SCARA3: variants seen among roughly 807,000 people sequenced by gnomAD.
SCARA3 encodes scavenger receptor class A member 3.
Under a neutral mutation model 47.0 loss-of-function variants are expected in SCARA3, and 39 were observed. The ratio of observed to expected loss-of-function variants is 0.83; its 90% CI spans 0.64 to 1.08. SCARA3 has a LOEUF of 1.08. SCARA3 is among the 50% of genes least tolerant of loss of function. The pLI, the probability that SCARA3 is intolerant of heterozygous loss-of-function variation, is 0.00. For missense variants in SCARA3, 724 were observed against 792.3 expected, an observed-to-expected ratio of 0.91 and a Z score of 1.04; for synonymous variants, 356 against 334.1, an observed-to-expected ratio of 1.07 and a Z score of -0.71.
the SCARA3 span, among the ~76,000 whole-genome samples, chr8:27,695,115 T>C: frequency 6.6e-6 from 1 of 152,144 alleles, no homozygotes; most frequent in South Asian, 2.1e-4. Context: ...AATGGAGAGA[T>C]GCCATTAACA....
the SCARA3 span, among the ~76,000 whole-genome samples, chr8:27,725,258 T>A: frequency 6.6e-6 from 1 of 151,994 alleles, no homozygotes; most frequent in Non-Finnish European, 1.5e-5. Flanking sequence ...TATCACAAAA[T>A]TCAGGAGAGC....
chr8:27,651,363 G>T, intron 2 of SCARA3, 145 bp from the exon 3 acceptor site: 5 of 957,936 alleles, frequency 5.2e-6, no homozygotes, highest in Non-Finnish European at 7.5e-6. Context: ...GGTAGGACAG[G>T]TAGAGAATGA....
intron 5 of SCARA3, among the ~76,000 whole-genome samples, chr8:27,667,884 GC>G (rs1802052256): frequency 6.6e-6 from 1 of 152,162 alleles, no homozygotes; most frequent in Non-Finnish European, 1.5e-5. Context: ...ATGTAGACAG[GC>G]CCCCGATAAC....
chr8:27,725,495 A>T, the SCARA3 span, among the ~76,000 whole-genome samples: 2 of 149,936 alleles, frequency 1.3e-5, no homozygotes, highest in African/African-American at 4.9e-5. Flanking sequence ...ATAAATCTAA[A>T]GTTCTATACC....
At chr8:27,649,192 T>C (rs1354046268) in intron 1 of SCARA3, among the ~76,000 whole-genome samples, 1 of 152,040 alleles carries the variant, frequency 6.6e-6, no homozygotes, top group East Asian at 1.9e-4. Flanking sequence ...TAGGTGAGAT[T>C]GTGTGAAGCA....
intron 1 of SCARA3, among the ~76,000 whole-genome samples, chr8:27,648,258 T>C (rs1413535180): frequency 6.6e-6 from 1 of 152,232 alleles, no homozygotes; most frequent in Non-Finnish European, 1.5e-5. Context: ...CTGTAAAGTT[T>C]ATAAGATGTT....
chr8:27,699,456 C>T, the SCARA3 span, among the ~76,000 whole-genome samples: 5 of 152,154 alleles, frequency 3.3e-5, no homozygotes, highest in Non-Finnish European at 7.4e-5. Flanking sequence ...CCTCCCACCT[C>T]AGCTTCATGA....
chr8:27,677,982 A>T (rs1294493442), downstream of SCARA3, among the ~76,000 whole-genome samples: 1 of 152,260 alleles, frequency 6.6e-6, no homozygotes, highest in Non-Finnish European at 1.5e-5. Context: ...TGAAATTAGA[A>T]AATATTTTGA....
chr8:27,706,681 G>A, the SCARA3 span, among the ~76,000 whole-genome samples: 2 of 152,154 alleles, frequency 1.3e-5, no homozygotes, highest in Non-Finnish European at 2.9e-5. Flanking sequence ...GACAAAAGCA[G>A]GTAAATGTGA....
At chr8:27,709,175 G>C in the SCARA3 span, among the ~76,000 whole-genome samples, 1 of 152,232 alleles carries the variant, frequency 6.6e-6, no homozygotes, top group Non-Finnish European at 1.5e-5. Flanking sequence ...GAATCAGGCA[G>C]GCGCATTCTC....
downstream of SCARA3, among the ~76,000 whole-genome samples, chr8:27,679,387 A>G (rs1171028678): frequency 6.6e-6 from 1 of 152,238 alleles, no homozygotes; most frequent in East Asian, 1.9e-4. Context: ...CAGTAGCACA[A>G]TGGAAGGGAA....
the SCARA3 span, among the ~76,000 whole-genome samples, chr8:27,689,395 G>A: frequency 6.6e-6 from 1 of 152,174 alleles, no homozygotes; most frequent in Admixed American, 6.5e-5. Flanking sequence ...AAGGGAAACG[G>A]GAGCGGCTGA....
At chr8:27,673,177 G>A (rs190080913), downstream of SCARA3, among the ~76,000 whole-genome samples, 120 of 152,296 alleles carry the variant, frequency 7.9e-4, no homozygotes, top group African/African-American at 2.5e-3. Flanking sequence ...CACTGAGTTC[G>A]GCCAGGGACC....
At chr8:27,713,748 A>G in the SCARA3 span, among the ~76,000 whole-genome samples, 6 of 152,184 alleles carry the variant, frequency 3.9e-5, no homozygotes, top group African/African-American at 1.4e-4. Flanking sequence ...CCAGCTGTGA[A>G]ATCAGCCATT....
chr8:27,726,749 G>T, the SCARA3 span, among the ~76,000 whole-genome samples: 1 of 152,088 alleles, frequency 6.6e-6, no homozygotes, highest in Non-Finnish European at 1.5e-5. Context: ...AAAGAGATTT[G>T]ATTTTAAATA....
At chr8:27,648,887 A>C (rs1801569577) in intron 1 of SCARA3, among the ~76,000 whole-genome samples, 1 of 146,180 alleles carries the variant, frequency 6.8e-6, no homozygotes, top group Non-Finnish European at 1.5e-5. Flanking sequence ...AAGGAAAGGA[A>C]GGAAGGAATG....
At position 27,659,007 on chromosome 8, in the gene SCARA3, C is replaced by A; in HGVS notation, c.837C>A (p.Ile279=). The change falls in exon 5 of 6, where the codon ATC becomes ATA. Residue 279 remains isoleucine (I), a synonymous_variant. Transcript: ENST00000301904. The stretch of plus-strand genomic sequence containing the variant: ...AGACTGGAGAGGCGGTCAAGAACAT[C>A]CAGGCCACCCTGGGGGCCTCCTCAC... The part of the protein sequence containing the change: ...STKTGEAVKN[I]QATLGASSQR... 1 of 1,614,126 alleles carries A rather than the reference C, an allele frequency of 6.2e-7. No individual in the cohort carries two copies. The highest frequency in any genetic ancestry group is 8.5e-7 in the Non-Finnish European group (1 of 1,180,018).
intron 4 of SCARA3, 51 bp downstream of exon 4, chr8:27,656,931 G>A (rs751552680): frequency 1.6e-6 from 2 of 1,217,072 alleles, no homozygotes; most frequent in South Asian, 2.4e-5. Context: ...GGGTGGGGCA[G>A]GGGTGCCCTC....
At chr8:27,657,253 T>C (rs915939371) in intron 4 of SCARA3, among the ~76,000 whole-genome samples, 5 of 152,122 alleles carry the variant, frequency 3.3e-5, no homozygotes, top group Non-Finnish European at 7.3e-5. Context: ...CCTTAAGCTG[T>C]GCCACGATTC....
Sources: gnomAD v4.1 joint callset for allele counts (sites outside exome capture counted in the v4.1 genomes callset) on GRCh38, gnomAD v4.1.1 for gene constraint, MANE v1.5 for transcripts, NCBI Gene and HGNC (gene_info 2026-07-23, HGNC 2026-07-21) for gene names.